The following ANKRD16 variants were observed in gnomAD, a reference collection of about 807,000 sequenced individuals.
ANKRD16 encodes ankyrin repeat domain 16.
ANKRD16 carries 35 observed loss-of-function variants against 37.9 expected under a neutral mutation model. The ratio of observed to expected loss-of-function variants is 0.92; its 90% CI spans 0.71 to 1.23. The LOEUF is 1.23. Among genes scored for constraint, ANKRD16 ranks in the 50% most tolerant of loss-of-function variants. ANKRD16 has a pLI of 0.00. For synonymous variants in ANKRD16, 206 were observed against 197.2 expected (o/e 1.04, Z -0.37); for missense variants, 480 against 469.9 (o/e 1.02, Z -0.20).
intron 2 of ANKRD16, among the ~76,000 whole-genome samples, chr10:5,886,106 A>G (rs1469330139): frequency 1.3e-5 from 2 of 152,250 alleles, no homozygotes; most frequent in East Asian, 3.8e-4. Context: ...TTGTAACAGT[A>G]ATCCATGGCA....
rs576189914 is a variant in ANKRD16 at position 5,872,808 on chromosome 10, G to A, written c.*33+5289C>T. Among the ~76,000 whole-genome samples, 101 of 151,758 alleles carry A rather than the reference G, an allele frequency of 6.7e-4. 1 individual carries two copies. Among genetic ancestry groups the A allele is most frequent in the African/African-American group, 1.3e-3 (52 of 41,376 alleles). On this transcript the variant is annotated intron_variant, in intron 7 of 7. Transcript: ENST00000380094. The stretch of plus-strand genomic sequence containing the variant: ...CCTGACCTCGTGATCTGCCCCCCTT[G>A]GCCTCCCAAAGTGCTGGCATTACAG...
In ANKRD16 at chr10:5,881,466, A is replaced by G. The variant is rs1240478559; in HGVS notation, c.850-1090T>C. 1.4e-4 allele frequency among the ~76,000 whole-genome samples: 19 copies of G among 132,082 alleles called. 1 individual carries two copies. Among genetic ancestry groups the G allele is most frequent in the African/African-American group, 5.3e-4 (19 of 35,600 alleles). The allele number at this position is 132,082 out of a possible 152,430, so 86.7% of individuals were successfully genotyped here. ...TATATATATATATATATATATATAT[A>G]TATATATATATATATTTGAGATGTA... On this transcript the variant is annotated intron_variant, in intron 5 of 7. Transcript: ENST00000380094.
rs983482127 is a variant in ANKRD16, at chr10:5,874,839, C to T, written c.*33+3258G>A. Among the ~76,000 whole-genome samples the T allele has an allele frequency of 2.6e-5, 4 of 152,016 alleles. No individual in the cohort carries two copies. The highest frequency in any genetic ancestry group is 3.9e-4 in the East Asian group (2 of 5,194). On this transcript the variant is annotated intron_variant, in intron 7 of 7. Coordinates refer to ENST00000380094, the MANE Select transcript of ANKRD16 (RefSeq NM_019046.3). The surrounding 1 kb of genome is among the most constrained non-coding windows in gnomAD (Gnocchi z 4.7). ...CGCTTCAGGAGAAAATCCAGAATGA[C>T]GGAGATGCTGGAGACAGAAGCTGGT...
chr10:5,877,152 G>A (rs972666048), intron 7 of ANKRD16, among the ~76,000 whole-genome samples: 1 of 151,526 alleles, frequency 6.6e-6, no homozygotes, highest in Admixed American at 6.6e-5. Context: ...ATGCTCTGTC[G>A]CCCAGGCTGG....
At position 5,862,753 on chromosome 10, in the gene ANKRD16, A is replaced by G. The variant is rs1384095658; in HGVS notation, c.*34-62T>C. ...ATGAAACAGAAGCTCAGAGAGGGCAAGCAGCTAGCACAAGGTCCCACAGCT... is the reference window on the plus strand; with the variant it reads ...ATGAAACAGAAGCTCAGAGAGGGCAGGCAGCTAGCACAAGGTCCCACAGCT... On this transcript the variant is annotated intron_variant, in intron 7 of 7. Coordinates refer to ENST00000380094, the MANE Select transcript of ANKRD16 (RefSeq NM_019046.3). The surrounding 1 kb of genome is among the most constrained non-coding windows in gnomAD (Gnocchi z 6.5). 2 of 1,175,506 alleles carry G rather than the reference A, an allele frequency of 1.7e-6. No homozygotes were observed. The highest frequency in any genetic ancestry group is 2.3e-6 in the Non-Finnish European group (2 of 885,274). 72.8% of individuals were successfully genotyped at this position (1,175,506 alleles called of 1,614,324 possible). A position where few individuals can be genotyped will look rare whatever the true frequency, so the allele number is the denominator to read the frequency against.
At position 5,862,586 on chromosome 10, in the gene ANKRD16, CGTAGGT is replaced by C. The variant is rs2131748820; in HGVS notation, c.*133_*138del. The stretch of plus-strand genomic sequence containing the variant: ...CAACTTTGATCTCGCTGGGGTCAAA[CGTAGGT>C]GGCTGCGGTTGGTTGAACTCAGGTT... On this transcript the variant is annotated 3_prime_UTR_variant, in exon 8 of 8. Transcript: ENST00000380094. The surrounding 1 kb of genome is among the most constrained non-coding windows in gnomAD (Gnocchi z 6.5). 2 of 1,288,202 alleles carry C rather than the reference CGTAGGT, an allele frequency of 1.6e-6. No homozygotes were observed. The highest frequency in any genetic ancestry group is 4.6e-5 in the Admixed American group (2 of 43,542). The allele number at this position is 1,288,202 out of a possible 1,614,324, so 79.8% of individuals were successfully genotyped here. A position where few individuals can be genotyped will look rare whatever the true frequency, so the allele number is the denominator to read the frequency against.
Position 5,874,083 on chromosome 10 carries a change from A to G in ANKRD16, c.*33+4014T>C, listed in dbSNP as rs375847912. Among the ~76,000 whole-genome samples the G allele has an allele frequency of 1.3e-5, 2 of 151,932 alleles. No individual in the cohort carries two copies. Among genetic ancestry groups the G allele is most frequent in the South Asian group, 2.1e-4 (1 of 4,816 alleles). ...TTTTTGTATTTTTAGTAAAGACGGG[A>G]TTTCACCATGTTGGCCAGGATGGTC... On this transcript the variant is annotated intron_variant, in intron 7 of 7. Transcript: ENST00000380094. This position sits in a 1 kb window ranked among gnomAD's most constrained non-coding sequence, Gnocchi z 4.7.
Position 5,883,149 on chromosome 10 carries a change from C to G in ANKRD16, c.706G>C (p.Asp236His), listed in dbSNP as rs773171847. 3.7e-6 allele frequency: 6 copies of G among 1,613,734 alleles called. No individual in the cohort carries two copies. In the East Asian group the frequency reaches 8.9e-5, roughly 24 times the overall value. ...TGCAGAGCCTGGGCACCCAGGCTGTCTTCTGCTGAAAGGCAAGCCTAGTGG... is the reference window on the plus strand; with the variant it reads ...TGCAGAGCCTGGGCACCCAGGCTGTGTTCTGCTGAAAGGCAAGCCTAGTGG... ...DEHGACLSAE[D>H]SLGAQALHRA... The change falls in exon 5 of 8, where the codon GAC (aspartate) becomes CAC (histidine). Residue 236 changes from aspartate (D) to histidine (H), a missense_variant. Transcript: ENST00000380094.
At chr10:5,879,387 G>A (rs1047882616) in intron 6 of ANKRD16, among the ~76,000 whole-genome samples, 15 of 151,876 alleles carry the variant, frequency 9.9e-5, no homozygotes, top group African/African-American at 3.6e-4. Context: ...AGAATCGCTT[G>A]AACCCAGGAG....
Position 5,884,091 on chromosome 10 carries a change from C to T in ANKRD16, c.579-14G>A, listed in dbSNP as rs1842371187. The T allele has an allele frequency of 6.2e-7, 1 of 1,608,766 alleles. No individual in the cohort carries two copies. The highest frequency in any genetic ancestry group is 1.3e-5 in the African/African-American group (1 of 74,836). ...TCATATTGGCACCTAGAGCCAAAACCCCAAGTAAGAGCTGAGAAAATTCAA... is the reference window on the plus strand; with the variant it reads ...TCATATTGGCACCTAGAGCCAAAACTCCAAGTAAGAGCTGAGAAAATTCAA... On this transcript the variant is annotated splice_polypyrimidine_tract_variant and intron_variant, in intron 3 of 7. Transcript: ENST00000380094.
Position 5,863,592 on chromosome 10 carries a change from C to A in ANKRD16, c.*34-901G>T, listed in dbSNP as rs1353643296. ...TAAGAGAATAAAAGCTGGCCACCCCCTGCCAGCAGCAGCAACCCACTTGGG... is the reference window on the plus strand; with the variant it reads ...TAAGAGAATAAAAGCTGGCCACCCCATGCCAGCAGCAGCAACCCACTTGGG... On this transcript the variant is annotated intron_variant, in intron 7 of 7. Transcript: ENST00000380094. This position sits in a 1 kb window ranked among gnomAD's most constrained non-coding sequence, Gnocchi z 4.7. 6.6e-6 allele frequency among the ~76,000 whole-genome samples: 1 copy of A among 152,128 alleles called. No individual in the cohort carries two copies. The highest frequency in any genetic ancestry group is 1.5e-5 in the Non-Finnish European group (1 of 68,042).
At position 5,870,715 on chromosome 10, in the gene ANKRD16, C is replaced by T. The variant is rs905781206; in HGVS notation, c.*33+7382G>A. Among the ~76,000 whole-genome samples, 14 of 152,084 alleles carry T rather than the reference C, an allele frequency of 9.2e-5. No individual in the cohort carries two copies. The highest frequency in any genetic ancestry group is 3.1e-4 in the African/African-American group (13 of 41,406). ...TATTTTTAAAATGTTGTTTCAATTA[C>T]CCCCAGGGTGTCACTCCCCTTCAGG... On this transcript the variant is annotated intron_variant, in intron 7 of 7. Coordinates refer to ENST00000380094, the MANE Select transcript of ANKRD16 (RefSeq NM_019046.3). This position sits in a 1 kb window ranked among gnomAD's most constrained non-coding sequence, Gnocchi z 5.0.
chr10:5,862,465 C>T lies in ANKRD16; in HGVS notation c.*260G>A. 2.0e-6 allele frequency: 1 copy of T among 505,254 alleles called. No homozygotes were observed. The highest frequency in any genetic ancestry group is 3.4e-6 in the Non-Finnish European group (1 of 292,274). The allele number at this position is 505,254 out of a possible 1,614,324, so 31.3% of individuals were successfully genotyped here. ...TCTTCCAGTCAATGGTTGGTGATGT[C>T]ATCAGCAACCATTTTTGGAGACAGA... On this transcript the variant is annotated 3_prime_UTR_variant, in exon 8 of 8. Coordinates refer to ENST00000380094, the MANE Select transcript of ANKRD16 (RefSeq NM_019046.3). The surrounding 1 kb of genome is among the most constrained non-coding windows in gnomAD (Gnocchi z 6.5).
At chr10:5,883,202 A>G in intron 4 of ANKRD16, 35 bp from the exon 5 acceptor site, 1 of 1,602,276 alleles carries the variant, frequency 6.2e-7, no homozygotes, top group Non-Finnish European at 8.5e-7. Flanking sequence ...GCAAAGGTCA[A>G]AGATAAGAAA....
At chr10:5,881,315 T>C (rs1445784540) in intron 5 of ANKRD16, among the ~76,000 whole-genome samples, 2 of 150,874 alleles carry the variant, frequency 1.3e-5, no homozygotes, top group African/African-American at 4.9e-5. Flanking sequence ...GCAAATATAC[T>C]CTTTGTTGAA....
rs764486192 is a variant in ANKRD16, at chr10:5,870,053, G to A, written c.*34-7362C>T. 2.6e-5 allele frequency among the ~76,000 whole-genome samples: 4 copies of A among 151,874 alleles called. No individual in the cohort carries two copies. The highest frequency in any genetic ancestry group is 5.9e-5 in the Non-Finnish European group (4 of 67,990). ...ATTTTAACAAGACTCTAGTTGCTTCGTACAGACATTAGACTCATTCCTCCT... is the reference window on the plus strand; with the variant it reads ...ATTTTAACAAGACTCTAGTTGCTTCATACAGACATTAGACTCATTCCTCCT... On this transcript the variant is annotated intron_variant, in intron 7 of 7. Transcript: ENST00000380094. This position sits in a 1 kb window ranked among gnomAD's most constrained non-coding sequence, Gnocchi z 5.0.
At chr10:5,886,340 C>T (rs186753427) in intron 2 of ANKRD16, among the ~76,000 whole-genome samples, 10 of 152,340 alleles carry the variant, frequency 6.6e-5, no homozygotes, top group African/African-American at 2.4e-4. Context: ...CCTGTAATCC[C>T]AGCACTTTGG....
At position 5,863,471 on chromosome 10, in the gene ANKRD16, C is replaced by T. The variant is rs751477664; in HGVS notation, c.*34-780G>A. 6.6e-6 allele frequency among the ~76,000 whole-genome samples: 1 copy of T among 151,972 alleles called. No homozygotes were observed. The highest frequency in any genetic ancestry group is 1.5e-5 in the Non-Finnish European group (1 of 68,002). The stretch of plus-strand genomic sequence containing the variant: ...GTACCAATCAGCGCTCTGTGTCTAG[C>T]TAAAGGATTGTAAACATACCAATCA... On this transcript the variant is annotated intron_variant, in intron 7 of 7. Transcript: ENST00000380094. The surrounding 1 kb of genome is among the most constrained non-coding windows in gnomAD (Gnocchi z 4.7).
In ANKRD16 at chr10:5,874,178, C is replaced by T. The variant is rs990129759; in HGVS notation, c.*33+3919G>A. 7.9e-5 allele frequency among the ~76,000 whole-genome samples: 12 copies of T among 152,200 alleles called. No homozygotes were observed. The highest frequency in any genetic ancestry group is 2.1e-4 in the South Asian group (1 of 4,830). ...TACTGGGACTACAGGTGTAAGCCAT[C>T]GTGCCTGGGCGAGACTTCTGCTTTG... is the stretch of plus-strand genomic sequence containing the variant. On this transcript the variant is annotated intron_variant, in intron 7 of 7. Transcript: ENST00000380094. The surrounding 1 kb of genome is among the most constrained non-coding windows in gnomAD (Gnocchi z 4.7).
Sources: allele counts gnomAD v4.1 joint callset (sites outside exome capture counted in the v4.1 genomes callset), GRCh38; gene constraint gnomAD v4.1.1; non-coding constraint Gnocchi (gnomAD v3.1); transcripts MANE v1.5; gene names NCBI Gene and HGNC (gene_info 2026-07-23, HGNC 2026-07-21).